The following CA5A variants were observed in gnomAD, a reference collection of about 807,000 sequenced individuals.
The protein encoded by CA5A is carbonic anhydrase 5A, mitochondrial.
Under a neutral mutation model 37.1 loss-of-function variants are expected in CA5A, and 28 were observed. The ratio of observed to expected loss-of-function variants is 0.75; its 90% CI spans 0.56 to 1.03. The LOEUF is 1.03. CA5A is among the 50% of genes least tolerant of loss of function. CA5A has a pLI of 0.00. For synonymous variants in CA5A, 171 were observed against 158.4 expected, an observed-to-expected ratio of 1.08 and a Z score of -0.60; for missense variants, 444 against 399.9, an observed-to-expected ratio of 1.11 and a Z score of -0.94.
intron 2 of CA5A, among the ~76,000 whole-genome samples, chr16:87,908,621 C>A (rs931003911): frequency 1.3e-5 from 2 of 152,174 alleles, no homozygotes; most frequent in Admixed American, 1.3e-4. Flanking sequence ...GGCCAACCAA[C>A]AAGGGCCAGG....
chr16:87,928,758 T>TTTC (rs2056352450), intron 1 of CA5A, among the ~76,000 whole-genome samples: 1 of 84,882 alleles, frequency 1.2e-5, no homozygotes, highest in Non-Finnish European at 2.4e-5. Context: ...TTTCTTTTCT[T>TTTC]TGTTTTTTTT....
chr16:87,930,744 TTTTTTTTC>T (rs1271992498), intron 1 of CA5A, among the ~76,000 whole-genome samples: 1 of 147,796 alleles, frequency 6.8e-6, no homozygotes, highest in East Asian at 2.0e-4. Flanking sequence ...TATTTTTTTT[TTTTTTTTC>T]TTTTTTGAGA....
At chr16:87,926,706 A>G in intron 2 of CA5A, 42 bp downstream of exon 2, 2 of 1,519,196 alleles carry the variant, frequency 1.3e-6, no homozygotes, top group Non-Finnish European at 1.8e-6. Context: ...CTGCCAGAAC[A>G]ACGGGAGAGG....
rs2055907264 is a variant in CA5A at position 87,903,258 on chromosome 16, C to G, written c.460-738G>C. On this transcript the variant is annotated intron_variant, in intron 3 of 6. Coordinates refer to ENST00000649794, the MANE Select transcript of CA5A (RefSeq NM_001739.2). ...CCAGCCTGGCCAAGATGGTGAAACC[C>G]CGTCCCTACTAAAACTACAAAAACT... is the stretch of plus-strand genomic sequence containing the variant. Among the ~76,000 whole-genome samples the G allele has an allele frequency of 4.6e-5, 7 of 152,150 alleles. No homozygotes were observed. In the South Asian group the frequency reaches 1.0e-3, roughly 23 times the overall value.
In CA5A at chr16:87,926,955, G is replaced by A. The variant is rs780862177; in HGVS notation, c.143-10C>T. ...GTCCAGAGTGGGTGCACTGCAGGGA[G>A]AGAGACGGAGACCCTGAGTGAGGCA... On this transcript the variant is annotated splice_polypyrimidine_tract_variant and intron_variant, in intron 1 of 6. Transcript: ENST00000649794. 2 of 1,531,706 alleles carry A rather than the reference G, an allele frequency of 1.3e-6. No individual in the cohort carries two copies. Among genetic ancestry groups the A allele is most frequent in the Non-Finnish European group, 1.8e-6 (2 of 1,126,160 alleles). 94.9% of individuals were successfully genotyped at this position (1,531,706 alleles called of 1,614,324 possible).
In CA5A at chr16:87,904,844, C is replaced by G; in HGVS notation, c.401G>C (p.Gly134Ala). ...YRLKQFHFHW[G>A]AVNEGGSEHT... ...CTCTGAGCCCCCCTCGTTCACTGCT[C>G]CCCAGTGGAAGTGAAATTGCTTCAG... The change falls in exon 3 of 7, where the codon GGA becomes GCA. Residue 134 changes from glycine to alanine, a missense_variant. Coordinates refer to ENST00000649794, the MANE Select transcript of CA5A (RefSeq NM_001739.2). 2.5e-6 allele frequency: 4 copies of G among 1,613,556 alleles called. No homozygotes were observed. The highest frequency in any genetic ancestry group is 3.4e-6 in the Non-Finnish European group (4 of 1,179,474).
intron 2 of CA5A, among the ~76,000 whole-genome samples, chr16:87,910,467 G>A (rs1018021359): frequency 7.9e-5 from 12 of 152,278 alleles, no homozygotes; most frequent in Admixed American, 1.3e-4. Context: ...CAGGTCTGAC[G>A]GTCCAGGCCC....
At position 87,908,575 on chromosome 16, in the gene CA5A, C is replaced by A. The variant is rs2055999589; in HGVS notation, c.341-3671G>T. Among the ~76,000 whole-genome samples the A allele has an allele frequency of 3.9e-5, 6 of 152,180 alleles. No homozygotes were observed. The South Asian group carries it at 1.2e-3, about 31-fold the overall frequency. ...AGCCGATGCCTGCCGGATCCCCACCCACAAAACCTAGTAGAAAAGTCACCC... is the reference window on the plus strand; with the variant it reads ...AGCCGATGCCTGCCGGATCCCCACCAACAAAACCTAGTAGAAAAGTCACCC... On this transcript the variant is annotated intron_variant, in intron 2 of 6. Transcript: ENST00000649794.
intron 1 of CA5A, among the ~76,000 whole-genome samples, chr16:87,929,156 A>C (rs1029941231): frequency 1.3e-5 from 2 of 149,690 alleles, no homozygotes; most frequent in Non-Finnish European, 3.0e-5. Flanking sequence ...ACAAGGATAA[A>C]GATGTATAGC....
chr16:87,893,520 C>T, intron 5 of CA5A: 1 of 562,998 alleles, frequency 1.8e-6, no homozygotes, highest in East Asian at 4.5e-5. Context: ...TGCCTGCCAC[C>T]CTATGCTGCA....
At chr16:87,925,444 G>A (rs954382472) in intron 2 of CA5A, 4 of 152,218 alleles carry the variant, frequency 2.6e-5, no homozygotes, top group African/African-American at 7.2e-5. Flanking sequence ...TACCAGAGGA[G>A]CTCACTAGCA....
At chr16:87,922,653 G>C (rs1247650814) in intron 2 of CA5A, among the ~76,000 whole-genome samples, 7 of 152,246 alleles carry the variant, frequency 4.6e-5, no homozygotes, top group Non-Finnish European at 8.8e-5. Context: ...CGCTGGGCTT[G>C]AGCCAGAGGC....
intron 1 of CA5A, among the ~76,000 whole-genome samples, chr16:87,932,878 CTTGG>C (rs1332231087): frequency 1.3e-5 from 2 of 152,212 alleles, no homozygotes; most frequent in Non-Finnish European, 2.9e-5. Flanking sequence ...TGTCACTAGG[CTTGG>C]CCACCTGGTG....
intron 2 of CA5A, among the ~76,000 whole-genome samples, chr16:87,908,650 C>T (rs572238945): frequency 1.4e-4 from 21 of 152,292 alleles, no homozygotes; most frequent in East Asian, 1.2e-3. Flanking sequence ...CTGCTGGGAC[C>T]GGAAGGGACT....
At chr16:87,893,951 G>T (rs763802917) in intron 5 of CA5A, among the ~76,000 whole-genome samples, 1 of 151,770 alleles carries the variant, frequency 6.6e-6, no homozygotes, top group Non-Finnish European at 1.5e-5. Flanking sequence ...TAGCCAGGGG[G>T]TCTTGCCATC....
At chr16:87,923,580 T>C (rs991874777) in intron 2 of CA5A, 31 of 985,214 alleles carry the variant, frequency 3.1e-5, no homozygotes, top group Non-Finnish European at 3.4e-5. Flanking sequence ...CCCCACTGCA[T>C]GAGGTCTTGG....
rs140893164 is a variant in CA5A at position 87,934,094 on chromosome 16, G to A, written c.142+2215C>T. Among the ~76,000 whole-genome samples the A allele has an allele frequency of 9.0e-3, 1,373 of 152,358 alleles. 21 individuals are homozygous for A. The highest frequency in any genetic ancestry group is 0.031 in the African/African-American group (1,283 of 41,582). On this transcript the variant is annotated intron_variant, in intron 1 of 6. Coordinates refer to ENST00000649794, the MANE Select transcript of CA5A (RefSeq NM_001739.2). ...CTTAAATAGACACAGGGCACCCACC[G>A]CTGCCTGTGTTAGCAACAGCAGCAG...
At chr16:87,899,015 G>C (rs1468104181) in intron 5 of CA5A, among the ~76,000 whole-genome samples, 1 of 152,094 alleles carries the variant, frequency 6.6e-6, no homozygotes, top group Admixed American at 6.6e-5. Flanking sequence ...GGTTACATGT[G>C]TGAGCCACCA....
At chr16:87,892,173 C>G (rs970078866) in intron 5 of CA5A, 2 of 457,460 alleles carry the variant, frequency 4.4e-6, no homozygotes, top group Non-Finnish European at 7.6e-6. Context: ...GTGGGAATTA[C>G]GTTACATTAC....
Sources: allele counts gnomAD v4.1 joint callset (sites outside exome capture counted in the v4.1 genomes callset), GRCh38; gene constraint gnomAD v4.1.1; transcripts MANE v1.5; gene names NCBI Gene and HGNC (gene_info 2026-07-23, HGNC 2026-07-21).